Variants in OPALIN observed in about 807,000 individuals in gnomAD.
The protein encoded by OPALIN is transmembrane protein 10.
In OPALIN, 15 loss-of-function variants were observed where a neutral mutation model predicts 17.8. The observed-to-expected ratio is 0.84, with a 90% CI of 0.56 to 1.29. The LOEUF is 1.29. OPALIN is among the 50% of genes most tolerant of loss of function. The probability of loss-of-function intolerance (pLI) is 0.00; values close to 1 mark genes in which losing one functional copy is unlikely to be tolerated. For synonymous variants in OPALIN, 62 were observed against 63.8 expected (o/e 0.97, Z 0.14); for missense variants, 170 against 176.0 (o/e 0.97, Z 0.19).
intron 1 of OPALIN, among the ~76,000 whole-genome samples, chr10:96,357,426 C>A (rs1214102798): frequency 6.6e-6 from 1 of 152,156 alleles, no homozygotes; most frequent in Non-Finnish European, 1.5e-5. Context: ...TGATGCAGTG[C>A]CCTTCAGAGA....
rs565674602 is a variant in OPALIN, at chr10:96,355,328, G to A, written c.4-38C>T. ...AGTAAACATTAAAGCTCCCAGGGAT[G>A]GTCAGCAAGCTCCTTCCTCACTTCC... On this transcript the variant is annotated intron_variant, in intron 1 of 5. Coordinates refer to ENST00000371172, the MANE Select transcript of OPALIN (RefSeq NM_033207.5). 125 of 1,602,890 alleles carry A rather than the reference G, an allele frequency of 7.8e-5. 3 individuals carry two copies. The South Asian group carries it at 1.3e-3, about 17-fold the overall frequency.
At chr10:96,346,941 T>A (rs1334838705) in intron 5 of OPALIN, among the ~76,000 whole-genome samples, 1 of 152,180 alleles carries the variant, frequency 6.6e-6, no homozygotes, top group Non-Finnish European at 1.5e-5. Context: ...TTAAAATCAC[T>A]TTTTCTAATT....
At chr10:96,348,832 C>T (rs576829525) in intron 4 of OPALIN, among the ~76,000 whole-genome samples, 80 of 152,274 alleles carry the variant, frequency 5.3e-4, no homozygotes, top group Admixed American at 2.2e-3. Flanking sequence ...CACAATACTT[C>T]TTGATGTGTT....
intron 2 of OPALIN, among the ~76,000 whole-genome samples, chr10:96,354,531 C>T (rs1196428383): frequency 6.6e-6 from 1 of 151,966 alleles, no homozygotes; most frequent in Non-Finnish European, 1.5e-5. Context: ...AACCATATAA[C>T]AGTTATGGTT....
At position 96,358,186 on chromosome 10, in the gene OPALIN, T is replaced by TAAAAAAAAAAAA. The variant is rs61616596; in HGVS notation, c.3+696_3+707dup. Among the ~76,000 whole-genome samples the TAAAAAAAAAAAA allele has an allele frequency of 4.3e-3, 264 of 61,570 alleles. 6 individuals carry two copies. Among genetic ancestry groups the TAAAAAAAAAAAA allele is most frequent in the East Asian group, 7.0e-3 (8 of 1,140 alleles). The allele number at this position is 61,570 out of a possible 152,430, so 40.4% of individuals were successfully genotyped here. ...CTACTCCTTTTAACAATGCTTTTTGTAAAAAAAAAAAAAAAAAAAAAAAAA... is the reference window on the plus strand; with the variant it reads ...CTACTCCTTTTAACAATGCTTTTTGTAAAAAAAAAAAAAAAAAAAAAAAAAAAAAAAAAAAAA... On this transcript the variant is annotated intron_variant, in intron 1 of 5. Coordinates refer to ENST00000371172, the MANE Select transcript of OPALIN (RefSeq NM_033207.5).
In OPALIN at chr10:96,355,255, T is replaced by C; in HGVS notation, c.39A>G (p.Thr13=). ...GGTGAATGGGGGCTGCTGTACTTAC[T>C]GTGTTCGCCGGCAGGGTGAAGTTCA... ...FSLNFTLPAN[T]TSSPVTGGKE... The change falls in exon 2 of 6, where the codon ACA becomes ACG. Residue 13 remains threonine (T), a splice_region_variant and synonymous_variant. Transcript: ENST00000371172. 1 of 1,613,942 alleles carries C rather than the reference T, an allele frequency of 6.2e-7. No individual in the cohort carries two copies.
chr10:96,349,613 G>T (rs1845485625), intron 4 of OPALIN, 94 bp downstream of exon 4: 1 of 1,370,432 alleles, frequency 7.3e-7, no homozygotes, highest in Non-Finnish European at 9.9e-7. Flanking sequence ...AAATAGACAT[G>T]GGCCCTGAAT....
At chr10:96,346,940 C>T (rs1344256082) in intron 5 of OPALIN, among the ~76,000 whole-genome samples, 2 of 151,998 alleles carry the variant, frequency 1.3e-5, no homozygotes, top group Admixed American at 6.5e-5. Flanking sequence ...TTTAAAATCA[C>T]TTTTTCTAAT....
chr10:96,348,425 T>C, intron 4 of OPALIN, 80 bp from the exon 5 acceptor site: 1 of 670,516 alleles, frequency 1.5e-6, no homozygotes, highest in Non-Finnish European at 2.5e-6. Flanking sequence ...TAACTATGAT[T>C]AAAATCAGTG....
At position 96,348,190 on chromosome 10, in the gene OPALIN, C is replaced by G. The variant is rs977111574; in HGVS notation, c.249+99G>C. On this transcript the variant is annotated intron_variant, in intron 5 of 5. Coordinates refer to ENST00000371172, the MANE Select transcript of OPALIN (RefSeq NM_033207.5). Reference sequence around the variant, plus strand: ...CTTCCTCTTGGTCATCTCTTTTCTACATGTGCTCATACTGTGCTTCTTTTG... The same window carrying G: ...CTTCCTCTTGGTCATCTCTTTTCTAGATGTGCTCATACTGTGCTTCTTTTG... 13 of 523,680 alleles carry G rather than the reference C, an allele frequency of 2.5e-5. No homozygotes were observed. The African/African-American group carries it at 2.5e-4, about 10-fold the overall frequency. 32.4% of individuals were successfully genotyped at this position (523,680 alleles called of 1,614,324 possible). A position where few individuals can be genotyped will look rare whatever the true frequency, so the allele number is the denominator to read the frequency against.
chr10:96,358,186 T>TAAAAAA (rs61616596), intron 1 of OPALIN, among the ~76,000 whole-genome samples: 6,889 of 61,214 alleles, frequency 0.11, 691 homozygotes, highest in Middle Eastern at 0.19. Flanking sequence ...ATGCTTTTTG[T>TAAAAAA]AAAAAAAAAA....
chr10:96,349,885 A>G (rs1845505322), intron 3 of OPALIN, 59 bp from the exon 4 acceptor site: 1 of 1,501,572 alleles, frequency 6.7e-7, no homozygotes, highest in East Asian at 2.4e-5. Context: ...ATAATAAAGG[A>G]AAAATTCAAT....
At chr10:96,358,043 C>T (rs1422522371) in intron 1 of OPALIN, among the ~76,000 whole-genome samples, 2 of 151,884 alleles carry the variant, frequency 1.3e-5, no homozygotes, top group Non-Finnish European at 2.9e-5. Flanking sequence ...GAAGGGAGCA[C>T]TATTATTCCT....
In OPALIN at chr10:96,352,120, G is replaced by A. The variant is rs947541067; in HGVS notation, c.40-710C>T. Among the ~76,000 whole-genome samples, 3 of 152,074 alleles carry A rather than the reference G, an allele frequency of 2.0e-5. No individual in the cohort carries two copies. The East Asian group carries it at 5.8e-4, about 29-fold the overall frequency. ...CATTTCTCAATTTACAAGCTAAGGG[G>A]TTGCATGTCTCTATCTACACAATAT... On this transcript the variant is annotated intron_variant, in intron 2 of 5. Transcript: ENST00000371172.
At chr10:96,353,503 C>T (rs1358399822) in intron 2 of OPALIN, 2 of 1,365,240 alleles carry the variant, frequency 1.5e-6, no homozygotes, top group Admixed American at 3.4e-5. Context: ...CAGACAACAC[C>T]AGGCAAAGCA....
chr10:96,353,132 G>A (rs917938942), intron 2 of OPALIN, among the ~76,000 whole-genome samples: 1 of 152,174 alleles, frequency 6.6e-6, no homozygotes, highest in Non-Finnish European at 1.5e-5. Context: ...CACCCCCCCG[G>A]GCAGTCTGGC....
At position 96,345,807 on chromosome 10, in the gene OPALIN, C is replaced by A. The variant is rs1403078600; in HGVS notation, c.*134G>T. The stretch of plus-strand genomic sequence containing the variant: ...GTCCCCTAAAGAGACAAATCAGCCC[C>A]AAAGTGTTCCAGAGCTGTAAATGAA... On this transcript the variant is annotated 3_prime_UTR_variant, in exon 6 of 6. Coordinates refer to ENST00000371172, the MANE Select transcript of OPALIN (RefSeq NM_033207.5). 3.7e-6 allele frequency: 3 copies of A among 812,394 alleles called. No homozygotes were observed. The highest frequency in any genetic ancestry group is 1.8e-5 in the South Asian group (1 of 57,014). 50.3% of individuals were successfully genotyped at this position (812,394 alleles called of 1,614,324 possible).
At chr10:96,346,170 C>A in intron 5 of OPALIN, 53 bp from the exon 6 acceptor site, 2 of 1,535,294 alleles carry the variant, frequency 1.3e-6, no homozygotes, top group Non-Finnish European at 1.8e-6. Context: ...TTCTTTCATA[C>A]AAGATGGACT....
chr10:96,357,526 T>C (rs138823147), intron 1 of OPALIN, among the ~76,000 whole-genome samples: 1 of 152,166 alleles, frequency 6.6e-6, no homozygotes, highest in East Asian at 1.9e-4. Context: ...CTGTGTAGTC[T>C]TGGATAAGTC....
Sources: gnomAD v4.1 joint callset for allele counts (sites outside exome capture counted in the v4.1 genomes callset) on GRCh38, gnomAD v4.1.1 for gene constraint, MANE v1.5 for transcripts, NCBI Gene and HGNC (gene_info 2026-07-23, HGNC 2026-07-21) for gene names.